The following MGAT4C variants were observed in gnomAD, a reference collection of about 807,000 sequenced individuals.
MGAT4C encodes MGAT4 family member C.
MGAT4C carries 19 observed loss-of-function variants against 40.1 expected under a neutral mutation model. The ratio of observed to expected loss-of-function variants is 0.47; its 90% confidence interval spans 0.33 to 0.70. The LOEUF is 0.70. MGAT4C is among the 30% of genes least tolerant of loss of function. The probability of loss-of-function intolerance (pLI) is 0.02; values close to 1 mark genes in which losing one functional copy is unlikely to be tolerated. For synonymous variants in MGAT4C, 181 were observed against 187.1 expected, an observed-to-expected ratio of 0.97 and a Z score of 0.27; for missense variants, 491 against 563.2, an observed-to-expected ratio of 0.87 and a Z score of 1.30.
chr12:86,154,588 A>T (rs1473906804), intron 1 of MGAT4C, among the ~76,000 whole-genome samples: 3 of 152,178 alleles, frequency 2.0e-5, no homozygotes, highest in African/African-American at 7.2e-5. Flanking sequence ...GGCTGAGATC[A>T]GTTGGTAACC....
chr12:86,123,575 A>C (rs1450776767), intron 1 of MGAT4C, among the ~76,000 whole-genome samples: 2 of 152,106 alleles, frequency 1.3e-5, no homozygotes, highest in Non-Finnish European at 2.9e-5. Flanking sequence ...TCTAACATTT[A>C]TTACTGAGTG....
At chr12:86,043,404 C>A (rs1892068423) in intron 2 of MGAT4C, among the ~76,000 whole-genome samples, 1 of 152,104 alleles carries the variant, frequency 6.6e-6, no homozygotes, top group South Asian at 2.1e-4. Flanking sequence ...GCCCAAGAGT[C>A]TAAAAGCTGA....
At chr12:86,087,865 A>T (rs1450600976) in intron 1 of MGAT4C, among the ~76,000 whole-genome samples, 1 of 152,070 alleles carries the variant, frequency 6.6e-6, no homozygotes. Flanking sequence ...TCTTCACAAA[A>T]ATAGAAAAAA....
At chr12:86,428,650 G>C (rs969960484) in intron 3 of MGAT4C, among the ~76,000 whole-genome samples, 1 of 152,116 alleles carries the variant, frequency 6.6e-6, no homozygotes, top group African/African-American at 2.4e-5. Context: ...ATATTCCCTT[G>C]TTAATAGTTT....
intron 2 of MGAT4C, among the ~76,000 whole-genome samples, chr12:86,049,328 G>A (rs1342326693): frequency 6.6e-6 from 1 of 151,782 alleles, no homozygotes; most frequent in Non-Finnish European, 1.5e-5. Flanking sequence ...GTGTGTACCT[G>A]CACAAGTGTG....
chr12:86,612,861 GT>G (rs1256166605), intron 2 of MGAT4C, among the ~76,000 whole-genome samples: 1 of 151,310 alleles, frequency 6.6e-6, no homozygotes, highest in Non-Finnish European at 1.5e-5. Flanking sequence ...ATGATCTTGT[GT>G]TATCATTGTA....
At position 86,320,282 on chromosome 12, in the gene MGAT4C, G is replaced by C. The variant is rs1954348787; in HGVS notation, c.-57+13783C>G. ...GCAACAGCCAGTAACCCAAAGGAATGAATAAACAATTTAATGTTTTGATTG... is the reference window on the plus strand; with the variant it reads ...GCAACAGCCAGTAACCCAAAGGAATCAATAAACAATTTAATGTTTTGATTG... On this transcript the variant is annotated intron_variant, in intron 4 of 7. Transcript: ENST00000548651. Among the ~76,000 whole-genome samples the C allele has an allele frequency of 2.0e-5, 3 of 152,114 alleles. No homozygotes were observed. In the South Asian group the frequency reaches 6.2e-4, roughly 32 times the overall value.
intron 1 of MGAT4C, among the ~76,000 whole-genome samples, chr12:86,203,975 A>AATATATATATATAT (rs56952745): frequency 3.6e-5 from 5 of 137,100 alleles, no homozygotes; most frequent in South Asian, 2.2e-4. Context: ...AAAAAAAAGA[A>AATATATATATATAT]ATATATATAT....
intron 2 of MGAT4C, among the ~76,000 whole-genome samples, chr12:86,013,378 A>G (rs1282014819): frequency 6.6e-6 from 1 of 152,118 alleles, no homozygotes; most frequent in Non-Finnish European, 1.5e-5. Context: ...AGTAGCTGGG[A>G]CTACAGGCGC....
intron 1 of MGAT4C, among the ~76,000 whole-genome samples, chr12:86,831,893 T>G (rs905535519): frequency 6.6e-6 from 1 of 151,854 alleles, no homozygotes; most frequent in Admixed American, 6.6e-5. Context: ...CTCTTTATGA[T>G]GATTATATTT....
intron 2 of MGAT4C, among the ~76,000 whole-genome samples, chr12:86,531,645 C>T (rs886190491): frequency 2.0e-5 from 3 of 151,944 alleles, no homozygotes; most frequent in Non-Finnish European, 4.4e-5. Flanking sequence ...TGAAATCACT[C>T]TCCACAACAC....
At chr12:86,152,482 T>C (rs1406702419) in intron 1 of MGAT4C, among the ~76,000 whole-genome samples, 1 of 152,180 alleles carries the variant, frequency 6.6e-6, no homozygotes, top group African/African-American at 2.4e-5. Flanking sequence ...CCTCATGACT[T>C]AATCACCTTC....
At chr12:86,803,581 C>G (rs1053401843) in intron 1 of MGAT4C, among the ~76,000 whole-genome samples, 1 of 149,224 alleles carries the variant, frequency 6.7e-6, no homozygotes, top group African/African-American at 2.4e-5. Context: ...AAAAAACAAA[C>G]AACCCCATCA....
At chr12:86,433,367 T>TAC (rs386377248) in intron 3 of MGAT4C, among the ~76,000 whole-genome samples, 6 of 150,596 alleles carry the variant, frequency 4.0e-5, no homozygotes, top group African/African-American at 1.5e-4. Flanking sequence ...CATATATATA[T>TAC]ACACAGAAGG....
intron 3 of MGAT4C, among the ~76,000 whole-genome samples, chr12:86,377,572 T>C (rs568966126): frequency 6.6e-6 from 1 of 152,344 alleles, no homozygotes; most frequent in Admixed American, 6.5e-5. Context: ...CTCTTAACGA[T>C]GTTTTAATTT....
intron 1 of MGAT4C, among the ~76,000 whole-genome samples, chr12:86,821,026 C>A (rs1239867427): frequency 2.0e-5 from 3 of 150,792 alleles, no homozygotes; most frequent in Non-Finnish European, 3.0e-5. Context: ...ATGCTGGAAG[C>A]CTTTATTTAA....
intron 1 of MGAT4C, among the ~76,000 whole-genome samples, chr12:86,828,877 C>T (rs35634445): frequency 0.34 from 52,146 of 151,216 alleles, 10,005 homozygotes; most frequent in Admixed American, 0.47. Flanking sequence ...TAAGTGGACA[C>T]GTGGATTCTT....
intron 2 of MGAT4C, among the ~76,000 whole-genome samples, chr12:86,488,298 T>C (rs1044036669): frequency 2.7e-5 from 4 of 150,798 alleles, no homozygotes; most frequent in African/African-American, 7.3e-5. Context: ...TGGTGGCACA[T>C]GCCTATAGTT....
At chr12:86,032,659 T>C (rs1890867986) in intron 2 of MGAT4C, among the ~76,000 whole-genome samples, 1 of 149,894 alleles carries the variant, frequency 6.7e-6, no homozygotes, top group Non-Finnish European at 1.5e-5. Flanking sequence ...AGATTCTGGA[T>C]ATTAGACTTT....
Sources: gnomAD v4.1 joint callset for allele counts (sites outside exome capture counted in the v4.1 genomes callset) on GRCh38, gnomAD v4.1.1 for gene constraint, MANE v1.5 for transcripts, NCBI Gene and HGNC (gene_info 2026-07-23, HGNC 2026-07-21) for gene names.